Variants in SLC24A4 observed in about 807,000 individuals in gnomAD.
The protein encoded by SLC24A4 is sodium/potassium/calcium exchanger 4.
Under a neutral mutation model 79.0 loss-of-function variants are expected in SLC24A4, and 53 were observed. That is an observed-to-expected ratio of 0.67 (90% CI 0.54 to 0.84). The LOEUF is 0.84. SLC24A4 is among the 40% of genes least tolerant of loss of function. The pLI is 0.00. For missense variants in SLC24A4, 731 were observed against 822.0 expected (o/e 0.89, Z 1.35); for synonymous variants, 323 against 323.8 (o/e 1.00, Z 0.03).
chr14:92,366,798 T>A (rs545881727), intron 2 of SLC24A4, among the ~76,000 whole-genome samples: 30 of 152,186 alleles, frequency 2.0e-4, no homozygotes, highest in African/African-American at 5.3e-4. Context: ...TTCGCAAGTG[T>A]TTTCTTTTTA....
chr14:92,455,984 AGC>A (rs1893434508), intron 11 of SLC24A4, among the ~76,000 whole-genome samples: 1 of 152,240 alleles, frequency 6.6e-6, no homozygotes. Context: ...TACAAGCATG[AGC>A]CACCGTGCCC....
intron 8 of SLC24A4, among the ~76,000 whole-genome samples, chr14:92,446,064 G>A (rs1338816320): frequency 6.6e-6 from 1 of 152,196 alleles, no homozygotes; most frequent in Non-Finnish European, 1.5e-5. Flanking sequence ...AACTTCTGAG[G>A]AACAGGTTGA....
intron 1 of SLC24A4, 146 bp from the exon 2 acceptor site, chr14:92,325,722 C>G: frequency 1.7e-6 from 1 of 591,704 alleles, no homozygotes. Context: ...TGATATTATA[C>G]TTCCAATCAT....
intron 3 of SLC24A4, among the ~76,000 whole-genome samples, chr14:92,435,704 A>G (rs1006973522): frequency 1.3e-5 from 2 of 152,218 alleles, no homozygotes; most frequent in Admixed American, 1.3e-4. Context: ...CCAGAAAATA[A>G]AGAATGGGTG....
At chr14:92,324,636 G>T (rs1413248300) in intron 1 of SLC24A4, among the ~76,000 whole-genome samples, 2 of 152,242 alleles carry the variant, frequency 1.3e-5, no homozygotes, top group Non-Finnish European at 2.9e-5. Context: ...AACCAAAGAA[G>T]TGTGTTTAGG....
chr14:92,366,022 G>C (rs774429035), intron 2 of SLC24A4, among the ~76,000 whole-genome samples: 11 of 152,220 alleles, frequency 7.2e-5, no homozygotes, highest in African/African-American at 2.7e-4. Context: ...TCCTTCATGC[G>C]TGTAAACTGG....
chr14:92,428,559 G>C (rs1347163592), intron 2 of SLC24A4, among the ~76,000 whole-genome samples: 1 of 152,250 alleles, frequency 6.6e-6, no homozygotes, highest in African/African-American at 2.4e-5. Flanking sequence ...TGGATGGATG[G>C]GAGGCCATGC....
intron 14 of SLC24A4, among the ~76,000 whole-genome samples, chr14:92,487,156 C>T (rs191608866): frequency 1.3e-5 from 2 of 152,310 alleles, no homozygotes. Context: ...CCTATACATC[C>T]AACTCCCCCA....
At chr14:92,378,603 T>C (rs1051926476) in intron 2 of SLC24A4, among the ~76,000 whole-genome samples, 2 of 152,258 alleles carry the variant, frequency 1.3e-5, no homozygotes, top group Non-Finnish European at 2.9e-5. Context: ...GATTTGTATC[T>C]AAGTCCTTTG....
intron 12 of SLC24A4, among the ~76,000 whole-genome samples, chr14:92,460,222 C>T (rs1031997708): frequency 2.0e-4 from 30 of 152,282 alleles, no homozygotes; most frequent in Non-Finnish European, 1.9e-4. Flanking sequence ...CACTCACCAG[C>T]AGGGTGAGTC....
At chr14:92,448,983 C>T in intron 9 of SLC24A4, 91 bp from the exon 10 acceptor site, 1 of 1,503,798 alleles carries the variant, frequency 6.6e-7, no homozygotes, top group African/African-American at 1.4e-5. Context: ...GCTGTGCTGA[C>T]TGCGTGCAGG....
At chr14:92,335,896 C>T (rs1373348132) in intron 2 of SLC24A4, among the ~76,000 whole-genome samples, 2 of 152,168 alleles carry the variant, frequency 1.3e-5, no homozygotes, top group Non-Finnish European at 2.9e-5. Flanking sequence ...TCTGAGTGCC[C>T]ATCTGAGAAA....
At chr14:92,486,488 T>C (rs968145049) in intron 13 of SLC24A4, among the ~76,000 whole-genome samples, 178 bp from the exon 14 acceptor site, 3 of 152,208 alleles carry the variant, frequency 2.0e-5, no homozygotes, top group African/African-American at 7.2e-5. Context: ...TTTGGCTTCT[T>C]AGCCTCGTAG....
chr14:92,500,733 TGA>T lies in SLC24A4; in HGVS notation c.*7107_*7108del, dbSNP rs1319432314. On this transcript the variant is annotated 3_prime_UTR_variant, in exon 17 of 17. Transcript: ENST00000532405. ...AGTGGGGGTTGCTGGTCTGTGAGGC[TGA>T]GTCTCCATTTCAGAGCACACACTCC... is the stretch of plus-strand genomic sequence containing the variant. 6.6e-6 allele frequency: 1 copy of T among 152,356 alleles called. No homozygotes were observed. Among genetic ancestry groups the T allele is most frequent in the East Asian group, 1.9e-4 (1 of 5,204 alleles). The allele number at this position is 152,356 out of a possible 1,614,324, so 9.4% of individuals were successfully genotyped here.
In SLC24A4 at chr14:92,456,509, G is replaced by A; in HGVS notation, c.1156G>A (p.Asp386Asn). The change falls in exon 12 of 17, where the codon GAC becomes AAC. Residue 386 changes from aspartate (D) to asparagine (N), a missense_variant. Transcript: ENST00000532405. ...GAATGTTCCTGTGGAAAACCCCGAAGACCCTCAGCAGAATCAGGAGCAGCA... is the reference window on the plus strand; with the variant it reads ...GAATGTTCCTGTGGAAAACCCCGAAAACCCTCAGCAGAATCAGGAGCAGCA... Reference protein sequence around the residue: ...NGNVPVENPEDPQQNQEQQPP... With the variant: ...NGNVPVENPENPQQNQEQQPP... The A allele has an allele frequency of 6.2e-7, 1 of 1,614,150 alleles. No individual in the cohort carries two copies. Among genetic ancestry groups the A allele is most frequent in the Non-Finnish European group, 8.5e-7 (1 of 1,180,032 alleles).
Position 92,362,466 on chromosome 14 carries a change from G to A in SLC24A4, c.241+36488G>A, listed in dbSNP as rs1310767157. Among the ~76,000 whole-genome samples, 6 of 152,128 alleles carry A rather than the reference G, an allele frequency of 3.9e-5. No individual in the cohort carries two copies. The South Asian group carries it at 1.0e-3, about 26-fold the overall frequency. Reference sequence around the variant, plus strand: ...CAGTGGGCTGGGAGCTGGGTAGATGGACCGGTTGGGCAGGTGTGGGTTGAA... The same window carrying A: ...CAGTGGGCTGGGAGCTGGGTAGATGAACCGGTTGGGCAGGTGTGGGTTGAA... On this transcript the variant is annotated intron_variant, in intron 2 of 16. Transcript: ENST00000532405.
chr14:92,364,163 A>T (rs1419144799), intron 2 of SLC24A4, among the ~76,000 whole-genome samples: 1 of 152,210 alleles, frequency 6.6e-6, no homozygotes, highest in African/African-American at 2.4e-5. Context: ...TATCATTATT[A>T]GTGTGTTGTA....
chr14:92,326,096 G>C, intron 2 of SLC24A4, 118 bp downstream of exon 2: 2 of 643,870 alleles, frequency 3.1e-6, no homozygotes, highest in Non-Finnish European at 5.4e-6. Context: ...ACTTGAGTGG[G>C]AAAGGGTGGC....
chr14:92,479,871 T>C (rs1433058729), intron 12 of SLC24A4, among the ~76,000 whole-genome samples: 1 of 152,230 alleles, frequency 6.6e-6, no homozygotes, highest in African/African-American at 2.4e-5. Context: ...AATTGCTGTT[T>C]CAATCTTGTT....
Sources: gnomAD v4.1 joint callset for allele counts (sites outside exome capture counted in the v4.1 genomes callset) on GRCh38, gnomAD v4.1.1 for gene constraint, MANE v1.5 for transcripts, NCBI Gene and HGNC (gene_info 2026-07-23, HGNC 2026-07-21) for gene names.